FBXL13: variants seen among roughly 807,000 people sequenced by gnomAD.
The protein encoded by FBXL13 is F-box and leucine-rich repeat protein 13.
A neutral mutation model predicts 83.6 loss-of-function variants in FBXL13; 67 were observed. The ratio of observed to expected loss-of-function variants is 0.80; its 90% confidence interval spans 0.66 to 0.98. FBXL13 has a LOEUF of 0.98. FBXL13 is among the 50% of genes least tolerant of loss of function. The pLI is 0.00. For missense variants in FBXL13, 822 were observed against 866.5 expected (o/e 0.95, Z 0.64); for synonymous variants, 272 against 299.5 (o/e 0.91, Z 0.95).
Position 102,878,314 on chromosome 7 carries a change from A to C in FBXL13, c.1508+17T>G. 1 of 1,582,554 alleles carries C rather than the reference A, an allele frequency of 6.3e-7. No individual in the cohort carries two copies. The highest frequency in any genetic ancestry group is 8.6e-7 in the Non-Finnish European group (1 of 1,167,778). ...TACAATACTAATGATATGATGTAAA[A>C]GACTGTTTTATCATACCGCTCAGAT... On this transcript the variant is annotated intron_variant, in intron 15 of 19. Transcript: ENST00000313221.
chr7:102,944,143 C>A, intron 8 of FBXL13: 3 of 1,218,090 alleles, frequency 2.5e-6, no homozygotes, highest in Non-Finnish European at 2.2e-6. Flanking sequence ...TTGTATTTGT[C>A]CTTTCCATAT....
intron 6 of FBXL13, among the ~76,000 whole-genome samples, chr7:102,998,822 A>T (rs530277776): frequency 9.9e-5 from 15 of 151,746 alleles, no homozygotes; most frequent in Non-Finnish European, 1.6e-4. Flanking sequence ...TAATAACAAT[A>T]ATAATAATAA....
intron 8 of FBXL13, chr7:102,934,833 A>G (rs1030802110): frequency 2.6e-6 from 2 of 774,822 alleles, no homozygotes; most frequent in Admixed American, 3.1e-5. Context: ...AATTTACCAC[A>G]AGTTTTTCTG....
intron 6 of FBXL13, among the ~76,000 whole-genome samples, chr7:103,019,783 A>G (rs1189230710): frequency 6.6e-6 from 1 of 152,196 alleles, no homozygotes; most frequent in Non-Finnish European, 1.5e-5. Context: ...GAAGATGTTG[A>G]ATCCCTGAAT....
chr7:102,938,435 C>A (rs1458661852), intron 8 of FBXL13, among the ~76,000 whole-genome samples: 1 of 152,148 alleles, frequency 6.6e-6, no homozygotes, highest in Admixed American at 6.5e-5. Context: ...TGCTGACAAC[C>A]AATATAGCCT....
In FBXL13 at chr7:102,832,113, G is replaced by C. The variant is rs1455825932; in HGVS notation, c.1854+727C>G. 3.3e-5 allele frequency among the ~76,000 whole-genome samples: 5 copies of C among 152,294 alleles called. No individual in the cohort carries two copies. In the East Asian group the frequency reaches 9.6e-4, roughly 29 times the overall value. The stretch of plus-strand genomic sequence containing the variant: ...TACCAGCGATGGTTATGTCCAGGTG[G>C]TGACAGGACAATGGATATTTACTTT... On this transcript the variant is annotated intron_variant, in intron 18 of 19. Coordinates refer to ENST00000313221, the Ensembl canonical transcript of FBXL13.
At chr7:102,954,159 G>A (rs1463840352) in intron 8 of FBXL13, among the ~76,000 whole-genome samples, 1 of 152,120 alleles carries the variant, frequency 6.6e-6, no homozygotes, top group Non-Finnish European at 1.5e-5. Context: ...AGGGGTCGGG[G>A]GATTTCCCTT....
At chr7:102,996,185 T>C (rs1031410595) in intron 6 of FBXL13, among the ~76,000 whole-genome samples, 17 of 152,196 alleles carry the variant, frequency 1.1e-4, no homozygotes, top group Non-Finnish European at 2.5e-4. Flanking sequence ...TGAGAAAATA[T>C]GTAAGTTCAT....
chr7:103,071,820 T>G (rs972505385), intron 1 of FBXL13, among the ~76,000 whole-genome samples: 3 of 152,148 alleles, frequency 2.0e-5, no homozygotes, highest in Admixed American at 6.5e-5. Flanking sequence ...CAGGGAAAAC[T>G]TTAATGAAAG....
At chr7:102,975,136 A>G (rs1429815877) in intron 6 of FBXL13, among the ~76,000 whole-genome samples, 1 of 151,906 alleles carries the variant, frequency 6.6e-6, no homozygotes, top group Admixed American at 6.6e-5. Flanking sequence ...CCCATGCCCC[A>G]CCCTTAGTTC....
At chr7:103,008,132 G>A (rs1039443113) in intron 6 of FBXL13, among the ~76,000 whole-genome samples, 1 of 152,148 alleles carries the variant, frequency 6.6e-6, no homozygotes, top group Non-Finnish European at 1.5e-5. Flanking sequence ...TAACAAAAAC[G>A]CCTAACATTA....
intron 11 of FBXL13, among the ~76,000 whole-genome samples, chr7:102,897,362 T>G (rs1812385401): frequency 6.6e-6 from 1 of 151,748 alleles, no homozygotes; most frequent in Admixed American, 6.6e-5. Context: ...ACAAATACTA[T>G]TAAAAGTAGG....
chr7:103,058,191 G>C (rs1227609253), intron 1 of FBXL13, among the ~76,000 whole-genome samples: 1 of 152,084 alleles, frequency 6.6e-6, no homozygotes, highest in Non-Finnish European at 1.5e-5. Context: ...CAGCCTTCAA[G>C]CAGGAAGCTC....
intron 16 of FBXL13, among the ~76,000 whole-genome samples, chr7:102,872,730 G>C (rs1808690861): frequency 6.6e-6 from 1 of 152,154 alleles, no homozygotes; most frequent in Non-Finnish European, 1.5e-5. Flanking sequence ...ATGAATAATA[G>C]CCCATTTAAG....
intron 10 of FBXL13, among the ~76,000 whole-genome samples, chr7:102,921,845 G>C (rs150416751): frequency 3.2e-4 from 48 of 152,190 alleles, no homozygotes; most frequent in African/African-American, 1.1e-3. Context: ...AAAAGCAGAA[G>C]CTCAACTGAA....
At position 103,018,157 on chromosome 7, in the gene FBXL13, G is replaced by A. The variant is rs377235351; in HGVS notation, c.495+6906C>T. On this transcript the variant is annotated intron_variant, in intron 6 of 19. Coordinates refer to ENST00000313221, the Ensembl canonical transcript of FBXL13. ...GAAATTCTACAAGCCAGAAGAGAGT[G>A]GGGGCCAATATTCAAAATTCTTAAA... is the stretch of plus-strand genomic sequence containing the variant. Among the ~76,000 whole-genome samples, 11 of 152,190 alleles carry A rather than the reference G, an allele frequency of 7.2e-5. 1 individual carries two copies. The East Asian group carries it at 9.6e-4, about 13-fold the overall frequency.
chr7:102,972,734 T>A (rs1164878459), intron 6 of FBXL13, among the ~76,000 whole-genome samples: 1 of 151,150 alleles, frequency 6.6e-6, no homozygotes, highest in Non-Finnish European at 1.5e-5. Context: ...AAATAATAAA[T>A]AAAAAGATAA....
At chr7:102,928,628 A>G (rs1818575366) in intron 9 of FBXL13, among the ~76,000 whole-genome samples, 1 of 152,220 alleles carries the variant, frequency 6.6e-6, no homozygotes, top group African/African-American at 2.4e-5. Flanking sequence ...AAAGAATATG[A>G]TATCTTACTC....
At chr7:102,877,709 T>G in intron 15 of FBXL13, 116 bp from the exon 17 acceptor site, 1 of 1,052,214 alleles carries the variant, frequency 9.5e-7, no homozygotes, top group African/African-American at 1.7e-5. Context: ...GATTTTCCTT[T>G]ACTCAACATA....
Sources: gnomAD v4.1 joint callset for allele counts (sites outside exome capture counted in the v4.1 genomes callset) on GRCh38, gnomAD v4.1.1 for gene constraint, MANE v1.5 for transcripts, NCBI Gene and HGNC (gene_info 2026-07-23, HGNC 2026-07-21) for gene names.